MYO16: variants seen among roughly 807,000 people sequenced by gnomAD.
The protein encoded by MYO16 is unconventional myosin-XVI.
In MYO16, 94 loss-of-function variants were observed where a neutral mutation model predicts 205.3. That is an observed-to-expected ratio of 0.46 (90% CI 0.39 to 0.54). MYO16 has a LOEUF of 0.54. Ranked by LOEUF, MYO16 falls within the 20% of genes least tolerant of loss-of-function variation. The pLI is 0.00. For synonymous variants in MYO16, 988 were observed against 954.0 expected (o/e 1.04, Z -0.66); for missense variants, 2,315 against 2,387.5 (o/e 0.97, Z 0.63).
At chr13:108,567,257 G>A in the MYO16 span, among the ~76,000 whole-genome samples, 4 of 152,108 alleles carry the variant, frequency 2.6e-5, no homozygotes, top group Admixed American at 2.6e-4. Context: ...TAAGGGAAGT[G>A]TCAAAAGAAT....
the MYO16 span, among the ~76,000 whole-genome samples, chr13:108,523,071 A>T: frequency 6.6e-6 from 1 of 152,154 alleles, no homozygotes; most frequent in Non-Finnish European, 1.5e-5. Flanking sequence ...TAGACATTAC[A>T]GGGACTTAGT....
At chr13:108,505,057 G>GTTGA in the MYO16 span, among the ~76,000 whole-genome samples, 1 of 152,044 alleles carries the variant, frequency 6.6e-6, no homozygotes, top group African/African-American at 2.4e-5. Context: ...CCACTTGTTT[G>GTTGA]TTGATAGAAA....
At position 108,762,741 on chromosome 13, in the gene MYO16, A is replaced by C. The variant is rs116531740; in HGVS notation, c.508-22894A>C. On this transcript the variant is annotated intron_variant, in intron 4 of 34. Coordinates refer to ENST00000457511, the MANE Select transcript of MYO16 (RefSeq NM_001198950.3). ...ACATTCTGGAATTTTAGAATTTGGC[A>C]GGGATCTTGTCCTGTTACCTCATTT... 6.0e-3 allele frequency among the ~76,000 whole-genome samples: 915 copies of C among 152,342 alleles called. 4 individuals carry two copies. Among genetic ancestry groups the C allele is most frequent in the Middle Eastern group, 0.024 (7 of 294 alleles).
At chr13:108,581,540 G>T in the MYO16 span, among the ~76,000 whole-genome samples, 8 of 151,550 alleles carry the variant, frequency 5.3e-5, no homozygotes, top group African/African-American at 1.9e-4. Context: ...TTCCATTAGG[G>T]TTTACTCTAT....
At chr13:108,750,493 G>A (rs1885196922) in intron 4 of MYO16, among the ~76,000 whole-genome samples, 1 of 151,982 alleles carries the variant, frequency 6.6e-6, no homozygotes. Context: ...TCTGGGCAGG[G>A]CACAGTGGCT....
intron 11 of MYO16, among the ~76,000 whole-genome samples, chr13:108,856,753 G>A (rs1878194602): frequency 6.6e-6 from 1 of 151,856 alleles, no homozygotes; most frequent in Non-Finnish European, 1.5e-5. Flanking sequence ...ATTTAATCTG[G>A]TTCTCTCCAC....
At chr13:108,890,104 A>ATT (rs60627565) in intron 14 of MYO16, among the ~76,000 whole-genome samples, 35,526 of 94,980 alleles carry the variant, frequency 0.37, 6,486 homozygotes, top group South Asian at 0.49. Context: ...TAATTTTTGT[A>ATT]TTTTTTTTTT....
intron 20 of MYO16, among the ~76,000 whole-genome samples, chr13:108,989,528 G>C (rs2139432932): frequency 6.6e-6 from 1 of 151,800 alleles, no homozygotes; most frequent in East Asian, 1.9e-4. Flanking sequence ...ATTTATCATA[G>C]GGTTCATGCT....
At chr13:109,061,077 G>A (rs1247734082) in intron 27 of MYO16, among the ~76,000 whole-genome samples, 2 of 150,556 alleles carry the variant, frequency 1.3e-5, no homozygotes, top group Admixed American at 6.7e-5. Flanking sequence ...ATCAACCTCT[G>A]TTATCTTCCA....
intron 2 of MYO16, among the ~76,000 whole-genome samples, chr13:108,707,911 A>G (rs1253697902): frequency 7.2e-5 from 11 of 152,258 alleles, no homozygotes; most frequent in Admixed American, 5.9e-4. Flanking sequence ...CCTGATTCTA[A>G]TGGGGGCAGA....
At chr13:109,040,573 A>G (rs542950904) in intron 23 of MYO16, among the ~76,000 whole-genome samples, 41 of 152,262 alleles carry the variant, frequency 2.7e-4, no homozygotes, top group African/African-American at 8.7e-4. Flanking sequence ...AAATCTATCA[A>G]GGTAATCAAT....
At chr13:108,502,170 G>A in the MYO16 span, among the ~76,000 whole-genome samples, 1 of 152,052 alleles carries the variant, frequency 6.6e-6, no homozygotes, top group African/African-American at 2.4e-5. Flanking sequence ...CCGAGATTAA[G>A]CCACTACATT....
At chr13:109,179,885 A>T (rs551906515) in intron 34 of MYO16, among the ~76,000 whole-genome samples, 6 of 152,300 alleles carry the variant, frequency 3.9e-5, no homozygotes, top group Admixed American at 6.5e-5. Flanking sequence ...GAAATATTGT[A>T]GATTTAATTT....
intron 22 of MYO16, among the ~76,000 whole-genome samples, chr13:109,014,049 T>C (rs1885715138): frequency 6.6e-6 from 1 of 152,360 alleles, no homozygotes; most frequent in South Asian, 2.1e-4. Flanking sequence ...CCCATGCCTA[T>C]GTCCTGAATG....
At chr13:108,714,217 A>G (rs374045356) in intron 3 of MYO16, among the ~76,000 whole-genome samples, 2,244 of 152,052 alleles carry the variant, frequency 0.015, 49 homozygotes, top group African/African-American at 0.049. Context: ...CATCACGCCC[A>G]GCGAATTTTT....
chr13:108,558,720 T>A, the MYO16 span, among the ~76,000 whole-genome samples: 4,850 of 152,214 alleles, frequency 0.032, 196 homozygotes, highest in African/African-American at 0.1. Context: ...AACTTACACG[T>A]GAGCACCTGC....
At chr13:108,588,205 A>G in the MYO16 span, among the ~76,000 whole-genome samples, 1 of 152,184 alleles carries the variant, frequency 6.6e-6, no homozygotes, top group Admixed American at 6.5e-5. Flanking sequence ...TATTAAATGC[A>G]ATCTACTGGT....
At chr13:108,717,020 C>A (rs532930364) in intron 3 of MYO16, among the ~76,000 whole-genome samples, 1 of 151,896 alleles carries the variant, frequency 6.6e-6, no homozygotes, top group Admixed American at 6.6e-5. Context: ...GTCTGTATCC[C>A]AGGCAGTTGG....
chr13:108,821,978 T>G (rs1378753745), intron 8 of MYO16, among the ~76,000 whole-genome samples: 1 of 152,156 alleles, frequency 6.6e-6, no homozygotes, highest in Admixed American at 6.6e-5. Flanking sequence ...AGAGTTATAA[T>G]GCAGTGAAAG....
Sources: allele counts gnomAD v4.1 joint callset (sites outside exome capture counted in the v4.1 genomes callset), GRCh38; gene constraint gnomAD v4.1.1; transcripts MANE v1.5; gene names NCBI Gene and HGNC (gene_info 2026-07-23, HGNC 2026-07-21).